LGSN: variants seen among roughly 807,000 people sequenced by gnomAD.
The protein encoded by LGSN is lengsin.
In LGSN, 21 loss-of-function variants were observed where a neutral mutation model predicts 19.5. The observed-to-expected ratio is 1.07, with a 90% CI of 0.76 to 1.55. The LOEUF (loss-of-function observed/expected upper bound fraction) is 1.55. Ranked by LOEUF, LGSN falls within the 40% of genes most tolerant of loss-of-function variation. The pLI, the probability that LGSN is intolerant of heterozygous loss-of-function variation, is 0.00. For missense variants in LGSN, 673 were observed against 608.5 expected (o/e 1.11, Z -1.12); for synonymous variants, 257 against 215.6 (o/e 1.19, Z -1.68).
chr6:63,455,981 G>A, the LGSN span, among the ~76,000 whole-genome samples: 1 of 151,970 alleles, frequency 6.6e-6, no homozygotes, highest in African/African-American at 2.4e-5. Context: ...TGTAATCCCA[G>A]CACTTTGGGA....
At chr6:63,294,774 A>T in intron 2 of LGSN, 139 bp downstream of exon 2, 1 of 779,392 alleles carries the variant, frequency 1.3e-6, no homozygotes, top group Non-Finnish European at 2.1e-6. Context: ...GCCATCTTTT[A>T]TGACACTTAT....
the LGSN span, among the ~76,000 whole-genome samples, chr6:63,505,566 AAAGAAAGAAAGAAAG>A: frequency 2.7e-4 from 6 of 21,924 alleles, 1 homozygote; most frequent in South Asian, 5.3e-3. Context: ...AAAAAAAAAA[AAAGAAAGAAAGAAAG>A]AAAGAAAGAA....
the LGSN span, among the ~76,000 whole-genome samples, chr6:63,353,603 A>G: frequency 9.8e-4 from 148 of 151,484 alleles, no homozygotes; most frequent in Admixed American, 3.0e-3. Context: ...AAAAAAAAAA[A>G]AAAAGAAAAA....
At chr6:63,559,318 G>A in the LGSN span, among the ~76,000 whole-genome samples, 4 of 152,202 alleles carry the variant, frequency 2.6e-5, no homozygotes, top group Admixed American at 6.5e-5. Flanking sequence ...TTTGGGGGAA[G>A]TGATAGTGTA....
chr6:63,518,083 C>T, the LGSN span, among the ~76,000 whole-genome samples: 1 of 146,504 alleles, frequency 6.8e-6, no homozygotes, highest in African/African-American at 2.6e-5. Context: ...ACCCGGGAGG[C>T]GGAGGTTGCT....
the LGSN span, among the ~76,000 whole-genome samples, chr6:63,455,914 G>GA: frequency 3.3e-5 from 5 of 150,710 alleles, no homozygotes; most frequent in South Asian, 4.2e-4. Context: ...GTCTCAAAAA[G>GA]AAAAAAAATT....
At chr6:63,343,326 G>A in the LGSN span, among the ~76,000 whole-genome samples, 2 of 152,130 alleles carry the variant, frequency 1.3e-5, no homozygotes, top group African/African-American at 4.8e-5. Context: ...TCTGAGATAT[G>A]ATCTGCCATT....
At chr6:63,538,206 G>A in the LGSN span, among the ~76,000 whole-genome samples, 1 of 152,190 alleles carries the variant, frequency 6.6e-6, no homozygotes, top group African/African-American at 2.4e-5. Context: ...ATGACAGGTT[G>A]TTCAAAAGGA....
chr6:63,286,344 G>T (rs981320635), intron 2 of LGSN, among the ~76,000 whole-genome samples: 7 of 151,984 alleles, frequency 4.6e-5, no homozygotes, highest in African/African-American at 1.4e-4. Context: ...AAAAGTGTGG[G>T]TTTTTTTTAA....
chr6:63,473,473 A>G, the LGSN span, among the ~76,000 whole-genome samples: 361 of 26,232 alleles, frequency 0.014, 1 homozygote, highest in Non-Finnish European at 0.023. Context: ...CACTCTGTCT[A>G]AAAAAAAAAA....
chr6:63,400,784 A>ACCCT, the LGSN span, among the ~76,000 whole-genome samples: 1 of 152,226 alleles, frequency 6.6e-6, no homozygotes. Context: ...ACCTCAGGTC[A>ACCCT]GGAGTTTGAG....
At chr6:63,466,950 G>T in the LGSN span, among the ~76,000 whole-genome samples, 4 of 152,126 alleles carry the variant, frequency 2.6e-5, no homozygotes, top group South Asian at 8.3e-4. Flanking sequence ...TTAAGAAAAT[G>T]ATGAATAAAA....
At chr6:63,343,967 C>T in the LGSN span, among the ~76,000 whole-genome samples, 1 of 152,118 alleles carries the variant, frequency 6.6e-6, no homozygotes, top group African/African-American at 2.4e-5. Context: ...CCCCAGAGAA[C>T]CACCAGCAAG....
chr6:63,497,061 T>C, the LGSN span, among the ~76,000 whole-genome samples: 1 of 151,966 alleles, frequency 6.6e-6, no homozygotes. Context: ...AATCTCAAAC[T>C]CCTGGGCTCA....
the LGSN span, among the ~76,000 whole-genome samples, chr6:63,535,473 A>G: frequency 6.7e-6 from 1 of 149,976 alleles, no homozygotes; most frequent in South Asian, 2.1e-4. Context: ...GTCTTAAAAG[A>G]AAAAAAAAAG....
At chr6:63,555,630 A>C in the LGSN span, among the ~76,000 whole-genome samples, 1 of 151,608 alleles carries the variant, frequency 6.6e-6, no homozygotes, top group Admixed American at 6.6e-5. Context: ...AAAGGCATAC[A>C]TCCACTCTGT....
the LGSN span, among the ~76,000 whole-genome samples, chr6:63,406,683 A>G: frequency 3.9e-5 from 6 of 152,142 alleles, no homozygotes; most frequent in Admixed American, 1.3e-4. Context: ...AAATCAGAGC[A>G]TAACTGAAGG....
At chr6:63,336,892 G>T in the LGSN span, among the ~76,000 whole-genome samples, 1 of 150,544 alleles carries the variant, frequency 6.6e-6, no homozygotes, top group Non-Finnish European at 1.5e-5. Flanking sequence ...GAACCACCAT[G>T]CCCGGCCCCA....
chr6:63,303,941 T>G (rs1337181592), intron 1 of LGSN, among the ~76,000 whole-genome samples: 1 of 152,202 alleles, frequency 6.6e-6, no homozygotes, highest in Non-Finnish European at 1.5e-5. Context: ...CATAGAAAGC[T>G]TTCCCAAGAT....
Sources: allele counts gnomAD v4.1 joint callset (sites outside exome capture counted in the v4.1 genomes callset), GRCh38; gene constraint gnomAD v4.1.1; transcripts MANE v1.5; gene names NCBI Gene and HGNC (gene_info 2026-07-23, HGNC 2026-07-21).